PKP4: variants seen among roughly 807,000 people sequenced by gnomAD.
PKP4 encodes the protein plakophilin 4.
In PKP4, 90 loss-of-function variants were observed where a neutral mutation model predicts 145.1. The observed-to-expected ratio is 0.62, with a 90% CI of 0.52 to 0.74. The LOEUF (loss-of-function observed/expected upper bound fraction) is 0.74. Ranked by LOEUF, PKP4 falls within the 30% of genes least tolerant of loss-of-function variation. The pLI, the probability that PKP4 is intolerant of heterozygous loss-of-function variation, is 0.00. For missense variants in PKP4, 1,340 were observed against 1,482.7 expected, an observed-to-expected ratio of 0.90 and a Z score of 1.58; for synonymous variants, 563 against 577.2, an observed-to-expected ratio of 0.98 and a Z score of 0.35.
At position 158,477,060 on chromosome 2, in the gene PKP4, A is replaced by AT. The variant is rs147463514; in HGVS notation, c.-6+19852dup. On this transcript the variant is annotated intron_variant, in intron 1 of 21. Transcript: ENST00000389759. The stretch of plus-strand genomic sequence containing the variant: ...TTAATTCATCCCTTAAAATTGGACA[A>AT]TTTTTTTTTTGCTTTTATAAATAAT... 5.3e-4 allele frequency among the ~76,000 whole-genome samples: 79 copies of AT among 150,048 alleles called. 2 individuals are homozygous for AT. The highest frequency in any genetic ancestry group is 1.5e-3 in the South Asian group (7 of 4,756).
rs144359585 is a variant in PKP4, at chr2:158,624,985, G to C, written c.711G>C (p.Leu237=). ...STGVSPSRGS[L]RTSLGSGFGS... ...GCGTGTCTCCTTCAAGGGGGTCTCT[G>C]AGAACTTCTCTGGGTAGTGGATTTG... Residue 237 remains leucine (L), a synonymous_variant, in exon 7 of 22, where the codon CTG becomes CTC. Coordinates refer to ENST00000389759, the MANE Select transcript of PKP4 (RefSeq NM_003628.6). 1.2e-6 allele frequency: 2 copies of C among 1,614,034 alleles called. No homozygotes were observed. Among genetic ancestry groups the C allele is most frequent in the African/African-American group, 2.7e-5 (2 of 74,922 alleles).
At chr2:158,629,610 A>G (rs1422667058) in intron 7 of PKP4, among the ~76,000 whole-genome samples, 1 of 152,174 alleles carries the variant, frequency 6.6e-6, no homozygotes, top group Non-Finnish European at 1.5e-5. Context: ...TGCATGTGTT[A>G]ACTTTCTTGC....
At chr2:158,533,076 T>C (rs1213913018) in intron 1 of PKP4, 104 bp from the exon 2 acceptor site, 1 of 1,155,658 alleles carries the variant, frequency 8.7e-7, no homozygotes, top group African/African-American at 1.6e-5. Flanking sequence ...GATCATGGTG[T>C]GTAGACTGTA....
At chr2:158,513,235 C>A (rs2041663462) in intron 1 of PKP4, among the ~76,000 whole-genome samples, 4 of 152,104 alleles carry the variant, frequency 2.6e-5, no homozygotes, top group Admixed American at 2.6e-4. Flanking sequence ...AGTTTACGTC[C>A]ACCCATTTCC....
At chr2:158,570,461 A>G (rs2047325528) in intron 2 of PKP4, among the ~76,000 whole-genome samples, 1 of 152,230 alleles carries the variant, frequency 6.6e-6, no homozygotes. Flanking sequence ...GATAATTAGT[A>G]TTTTAGTAAT....
At chr2:158,459,789 TCACACA>T (rs3047993) in intron 1 of PKP4, among the ~76,000 whole-genome samples, 6 of 148,806 alleles carry the variant, frequency 4.0e-5, no homozygotes, top group African/African-American at 1.2e-4. Context: ...GATGTATGGA[TCACACA>T]CACACACACA....
At chr2:158,477,060 AT>A (rs147463514) in intron 1 of PKP4, among the ~76,000 whole-genome samples, 18,461 of 150,014 alleles carry the variant, frequency 0.12, 1,241 homozygotes, top group Middle Eastern at 0.21. Context: ...AAATTGGACA[AT>A]TTTTTTTTTG....
rs1404275648 is a variant in PKP4 at position 158,457,012 on chromosome 2, GC to G, written c.-211del. 1 of 146,878 alleles carries G rather than the reference GC, an allele frequency of 6.8e-6. No homozygotes were observed. Among genetic ancestry groups the G allele is most frequent in the African/African-American group, 2.5e-5 (1 of 40,224 alleles). The allele number at this position is 146,878 out of a possible 1,614,324, so 9.1% of individuals were successfully genotyped here. A position where few individuals can be genotyped will look rare whatever the true frequency, so the allele number is the denominator to read the frequency against. On this transcript the variant is annotated 5_prime_UTR_variant, in exon 1 of 22. An upstream open reading frame in the 5' UTR loses its in-frame stop. Transcript: ENST00000389759. ...GCCGGCCGCGGAGGCGGCACCATGG[GC>G]AAGGGGTAGAGGGGCAAGTTGGCCA...
intron 1 of PKP4, among the ~76,000 whole-genome samples, chr2:158,527,163 A>T (rs1207595093): frequency 8.7e-6 from 1 of 115,504 alleles, no homozygotes; most frequent in African/African-American, 3.4e-5. Context: ...ACCAAAAAAG[A>T]GCCCGCATCG....
intron 2 of PKP4, among the ~76,000 whole-genome samples, chr2:158,546,314 C>T (rs2105682603): frequency 6.6e-6 from 1 of 152,230 alleles, no homozygotes; most frequent in South Asian, 2.1e-4. Context: ...GCTTTATTCT[C>T]TTTGCAAGAT....
chr2:158,562,891 T>C (rs3771606), intron 2 of PKP4, among the ~76,000 whole-genome samples: 2 of 152,196 alleles, frequency 1.3e-5, no homozygotes, highest in East Asian at 3.8e-4. Context: ...TTTTTAAGAA[T>C]GATTAGGTAG....
At chr2:158,528,876 G>A (rs1473712498) in intron 1 of PKP4, among the ~76,000 whole-genome samples, 2 of 152,146 alleles carry the variant, frequency 1.3e-5, no homozygotes, top group Admixed American at 6.6e-5. Flanking sequence ...CCAGGTCCTG[G>A]CTTTCAGGTG....
At chr2:158,555,262 G>C (rs544950611) in intron 2 of PKP4, among the ~76,000 whole-genome samples, 2 of 152,306 alleles carry the variant, frequency 1.3e-5, no homozygotes, top group South Asian at 2.1e-4. Flanking sequence ...TCTGAAGCCT[G>C]TCTGTGGTGT....
Position 158,619,351 on chromosome 2 carries a change from T to C in PKP4, c.281-1639T>C, listed in dbSNP as rs184300478. 2.3e-3 allele frequency among the ~76,000 whole-genome samples: 355 copies of C among 152,242 alleles called. 2 individuals are homozygous for C. Among genetic ancestry groups the C allele is most frequent in the African/African-American group, 8.3e-3 (346 of 41,544 alleles). On this transcript the variant is annotated intron_variant, in intron 4 of 21. Coordinates refer to ENST00000389759, the MANE Select transcript of PKP4 (RefSeq NM_003628.6). ...TTGTTGAAATTCCAAACTGAAGCAA[T>C]CAGAACTGTCACAGAATTCTACCAT...
chr2:158,599,709 C>G (rs1300858768), intron 3 of PKP4, among the ~76,000 whole-genome samples: 4 of 152,146 alleles, frequency 2.6e-5, no homozygotes, highest in Admixed American at 2.6e-4. Context: ...TATTGGATAT[C>G]AACTCATGGA....
chr2:158,585,437 G>A (rs973564778), intron 3 of PKP4, among the ~76,000 whole-genome samples: 1 of 151,888 alleles, frequency 6.6e-6, no homozygotes, highest in Admixed American at 6.6e-5. Flanking sequence ...ACACTTGATC[G>A]AGTCATCTGC....
intron 1 of PKP4, among the ~76,000 whole-genome samples, chr2:158,492,279 T>A (rs1253690002): frequency 6.6e-6 from 1 of 152,132 alleles, no homozygotes; most frequent in Non-Finnish European, 1.5e-5. Context: ...ATCTCACACC[T>A]TCCCCCTGTT....
chr2:158,561,573 G>C (rs995566197), intron 2 of PKP4, among the ~76,000 whole-genome samples: 4 of 152,172 alleles, frequency 2.6e-5, no homozygotes, highest in African/African-American at 9.7e-5. Flanking sequence ...CCTTCAGCTT[G>C]AATGTTTTAA....
At chr2:158,610,650 A>G (rs1183363555) in intron 4 of PKP4, among the ~76,000 whole-genome samples, 1 of 152,220 alleles carries the variant, frequency 6.6e-6, no homozygotes, top group African/African-American at 2.4e-5. Context: ...ATTGATTGTT[A>G]CTTAGGTCCC....
Sources: allele counts gnomAD v4.1 joint callset (sites outside exome capture counted in the v4.1 genomes callset), GRCh38; gene constraint gnomAD v4.1.1; transcripts MANE v1.5; gene names NCBI Gene and HGNC (gene_info 2026-07-23, HGNC 2026-07-21).